Variants in SMTN observed in about 807,000 individuals in gnomAD.
SMTN encodes smoothelin.
SMTN carries 58 observed loss-of-function variants against 102.0 expected under a neutral mutation model. The observed-to-expected ratio is 0.57, with a 90% CI of 0.46 to 0.71. The LOEUF (loss-of-function observed/expected upper bound fraction) is 0.71. Ranked by LOEUF, SMTN falls within the 30% of genes least tolerant of loss-of-function variation. The pLI is 0.00. For synonymous variants in SMTN, 478 were observed against 497.9 expected (o/e 0.96, Z 0.53); for missense variants, 1,185 against 1,241.7 (o/e 0.95, Z 0.69).
chr22:31,076,230 C>T (rs1329314623), intron 1 of SMTN, among the ~76,000 whole-genome samples: 1 of 152,234 alleles, frequency 6.6e-6, no homozygotes, highest in Admixed American at 6.5e-5. Flanking sequence ...TGGGAAGATG[C>T]AGAGCCCTTC....
At position 31,099,194 on chromosome 22, in the gene SMTN, G is replaced by A. The variant is rs578139209; in HGVS notation, c.2451+15G>A. The A allele has an allele frequency of 1.9e-6, 3 of 1,586,886 alleles. No homozygotes were observed. The highest frequency in any genetic ancestry group is 1.7e-4 in the Middle Eastern group (1 of 5,992). ...GCGGCTACGAGGTGAGCCCCGGGAG[G>A]CCAGGGGGCCTGGAGGCCTCCCCAG... is the stretch of plus-strand genomic sequence containing the variant. On this transcript the variant is annotated intron_variant, in intron 18 of 20. Transcript: ENST00000333137.
rs1432281125 is a variant in SMTN at position 31,099,111 on chromosome 22, G to T, written c.2383G>T (p.Val795Phe). ...AAVQRSTSFGVPNANSIKQML... is the reference protein window; with the variant it reads ...AAVQRSTSFGFPNANSIKQML... ...CGTGCAGCGATCCACCAGCTTCGGGGTCCCCAACGCCAACAGCATCAAGCA... is the reference window on the plus strand; with the variant it reads ...CGTGCAGCGATCCACCAGCTTCGGGTTCCCCAACGCCAACAGCATCAAGCA... Residue 795 changes from valine (V) to phenylalanine (F), a missense_variant, in exon 18 of 21, where the codon GTC becomes TTC. Val to Phe is a conservative substitution (Grantham distance 50). Transcript: ENST00000333137. 1.9e-6 allele frequency: 3 copies of T among 1,613,288 alleles called. No individual in the cohort carries two copies. Among genetic ancestry groups the T allele is most frequent in the Non-Finnish European group, 1.7e-6 (2 of 1,179,980 alleles).
chr22:31,088,478 T>C (rs1191029710), intron 3 of SMTN, 35 bp from the exon 4 acceptor site: 10 of 1,581,178 alleles, frequency 6.3e-6, no homozygotes, highest in South Asian at 1.1e-5. Context: ...GACCTGGCCA[T>C]GGCAGTGGTG....
intron 13 of SMTN, chr22:31,096,525 C>A (rs2043588992): frequency 4.1e-6 from 2 of 490,166 alleles, no homozygotes; most frequent in South Asian, 4.4e-5. Context: ...TGCCTGAGTC[C>A]ATCAAACCCT....
At position 31,095,266 on chromosome 22, in the gene SMTN, C is replaced by G; in HGVS notation, c.1633-37C>G. ...GAGACATGATGAGTTTCACCCATAC[C>G]CCTGCTTAAAGTCCATGCCCTCTCC... On this transcript the variant is annotated intron_variant, in intron 11 of 20. Transcript: ENST00000333137. The surrounding 1 kb of genome is among the most constrained non-coding windows in gnomAD (Gnocchi z 4.1). The G allele has an allele frequency of 6.2e-7, 1 of 1,607,766 alleles. No homozygotes were observed. The highest frequency in any genetic ancestry group is 8.5e-7 in the Non-Finnish European group (1 of 1,177,020).
At chr22:31,071,364 G>T (rs1184162985) in intron 1 of SMTN, among the ~76,000 whole-genome samples, 2 of 151,968 alleles carry the variant, frequency 1.3e-5, no homozygotes, top group Non-Finnish European at 2.9e-5. Flanking sequence ...CGGGCATCAT[G>T]GCTCACACCT....
In SMTN at chr22:31,100,984, C is replaced by G; in HGVS notation, c.2703C>G (p.Tyr901Ter). The change falls in exon 20 of 21, where the codon TAC becomes TAG. Residue 901 changes from tyrosine to a stop codon, truncating the protein, a stop_gained. Coordinates refer to ENST00000333137, the MANE Select transcript of SMTN (RefSeq NM_134269.3). LOFTEE classifies it high-confidence loss of function. ...KCVYTYIQEFYRCLVQKGLVK... is the reference protein window; with the variant it reads ...KCVYTYIQEF ...TGTACACGTACATCCAGGAATTCTA[C>G]CGCTGTCTGGTCCAGAAGGGGCTGG... is the stretch of plus-strand genomic sequence containing the variant. The G allele has an allele frequency of 6.2e-7, 1 of 1,613,480 alleles. No homozygotes were observed.
intron 2 of SMTN, chr22:31,085,359 C>T: frequency 7.4e-7 from 1 of 1,349,640 alleles, no homozygotes. Flanking sequence ...TTCAGCGCCC[C>T]CTGGCGAGGC....
chr22:31,068,013 A>C (rs1260591569), intron 1 of SMTN: 1 of 152,186 alleles, frequency 6.6e-6, no homozygotes, highest in East Asian at 1.9e-4. Context: ...AAACCATTAA[A>C]AAATGTTTTG....
At chr22:31,066,492 G>C (rs1308466238) in intron 1 of SMTN, 1 of 151,884 alleles carries the variant, frequency 6.6e-6, no homozygotes, top group East Asian at 1.9e-4. Flanking sequence ...ATCTTTAGTA[G>C]AGATGGGGTT....
chr22:31,082,409 C>T (rs1243164018), intron 1 of SMTN: 4 of 423,522 alleles, frequency 9.4e-6, no homozygotes, highest in African/African-American at 6.1e-5. Flanking sequence ...AAGGGAGCTT[C>T]GGAAGCCGGA....
chr22:31,082,868 C>T, intron 1 of SMTN: 1 of 1,536,826 alleles, frequency 6.5e-7, no homozygotes, highest in Non-Finnish European at 8.8e-7. Context: ...TCTTGCCAGG[C>T]CCTGGCTTCT....
chr22:31,090,925 C>T, intron 9 of SMTN, 36 bp from the exon 10 acceptor site: 1 of 1,612,668 alleles, frequency 6.2e-7, no homozygotes, highest in Non-Finnish European at 8.5e-7. Context: ...AGACCCTGTC[C>T]CACCCAGTTG....
At chr22:31,086,111 C>T (rs2042681566) in intron 2 of SMTN, among the ~76,000 whole-genome samples, 1 of 152,216 alleles carries the variant, frequency 6.6e-6, no homozygotes, top group Non-Finnish European at 1.5e-5. Context: ...ACAGCCAGCA[C>T]CGGGGGCTGG....
intron 1 of SMTN, 103 bp downstream of exon 1, chr22:31,081,559 G>C (rs1294339684): frequency 6.6e-6 from 1 of 152,348 alleles, no homozygotes; most frequent in African/African-American, 2.4e-5. Flanking sequence ...AGACCTGGGA[G>C]CCCCCACCCA....
chr22:31,093,323 G>T (rs2043279975), intron 11 of SMTN: 2 of 296,594 alleles, frequency 6.7e-6, no homozygotes, highest in Non-Finnish European at 6.5e-6. Flanking sequence ...GGAGGCAGGG[G>T]CGGGGCAGGC....
intron 1 of SMTN, among the ~76,000 whole-genome samples, chr22:31,070,352 C>T (rs2041967280): frequency 6.6e-6 from 1 of 152,192 alleles, no homozygotes; most frequent in African/African-American, 2.4e-5. Flanking sequence ...AGGGGCCTTT[C>T]AGTCTGGGCC....
chr22:31,090,226 C>A (rs1338667879), intron 8 of SMTN, 46 bp downstream of exon 8: 2 of 1,480,418 alleles, frequency 1.4e-6, no homozygotes, highest in African/African-American at 1.4e-5. Flanking sequence ...TCTTCCCCTC[C>A]CCCTGCCTCC....
At chr22:31,091,652 C>G (rs2043142559) in intron 10 of SMTN, 23 bp from the exon 11 acceptor site, 9 of 1,565,126 alleles carry the variant, frequency 5.8e-6, no homozygotes, top group Non-Finnish European at 7.0e-6. Context: ...ATCCTCCTGA[C>G]AGCCACCTTT....
Sources: gnomAD v4.1 joint callset for allele counts (sites outside exome capture counted in the v4.1 genomes callset) on GRCh38, gnomAD v4.1.1 for gene constraint, Gnocchi (gnomAD v3.1) non-coding constraint, MANE v1.5 for transcripts, NCBI Gene and HGNC (gene_info 2026-07-23, HGNC 2026-07-21) for gene names.